The following RGS6 variants were observed in gnomAD, a reference collection of about 807,000 sequenced individuals.
The protein encoded by RGS6 is regulator of G protein signaling 6.
Under a neutral mutation model 78.5 loss-of-function variants are expected in RGS6, and 30 were observed. The ratio of observed to expected loss-of-function variants is 0.38; its 90% CI spans 0.29 to 0.52. RGS6 has a LOEUF of 0.52. Among genes scored for constraint, RGS6 ranks in the 20% least tolerant of loss-of-function variants. The pLI is 0.85. For missense variants in RGS6, 495 were observed against 609.7 expected (o/e 0.81, Z 1.98); for synonymous variants, 206 against 206.0 (o/e 1.00, Z 0.00).
chr14:72,125,222 A>G (rs1350724992), intron 2 of RGS6, among the ~76,000 whole-genome samples: 1 of 152,032 alleles, frequency 6.6e-6, no homozygotes, highest in Non-Finnish European at 1.5e-5. Flanking sequence ...ATCCTAGGAG[A>G]TTTTACCACC....
At chr14:71,966,685 A>G (rs927855107) in intron 2 of RGS6, among the ~76,000 whole-genome samples, 1 of 152,252 alleles carries the variant, frequency 6.6e-6, no homozygotes, top group African/African-American at 2.4e-5. Context: ...AGATCACTTT[A>G]GATAAATCGA....
chr14:71,904,098 G>A, the RGS6 span, among the ~76,000 whole-genome samples: 1 of 152,168 alleles, frequency 6.6e-6, no homozygotes, highest in African/African-American at 2.4e-5. Flanking sequence ...AAGAATAATT[G>A]TCAGCCATCG....
At chr14:71,918,579 A>T in the RGS6 span, among the ~76,000 whole-genome samples, 3 of 152,204 alleles carry the variant, frequency 2.0e-5, no homozygotes, top group Admixed American at 6.5e-5. Flanking sequence ...GCAAACAGAG[A>T]TGTAGTTTAC....
chr14:71,911,305 T>C, the RGS6 span, among the ~76,000 whole-genome samples: 1 of 152,170 alleles, frequency 6.6e-6, no homozygotes, highest in African/African-American at 2.4e-5. Context: ...CCATCACACT[T>C]CTTTATTTTT....
intron 15 of RGS6, among the ~76,000 whole-genome samples, chr14:72,521,378 T>G (rs922832496): frequency 6.6e-6 from 1 of 152,228 alleles, no homozygotes; most frequent in African/African-American, 2.4e-5. Flanking sequence ...AGTCAACCAG[T>G]CCTCTCTTCT....
chr14:71,904,895 T>TG, the RGS6 span, among the ~76,000 whole-genome samples: 1 of 152,086 alleles, frequency 6.6e-6, no homozygotes, highest in African/African-American at 2.4e-5. Context: ...GACTCCATTA[T>TG]CTTTTTTTTT....
intron 2 of RGS6, among the ~76,000 whole-genome samples, chr14:72,097,875 A>G (rs2095441787): frequency 6.6e-6 from 1 of 152,140 alleles, no homozygotes; most frequent in African/African-American, 2.4e-5. Flanking sequence ...TCTTAGCCTG[A>G]TATCATCAGC....
chr14:72,278,043 G>A (rs1026449852), intron 2 of RGS6, among the ~76,000 whole-genome samples: 14 of 152,184 alleles, frequency 9.2e-5, no homozygotes, highest in Admixed American at 3.3e-4. Context: ...AAAGGACAGT[G>A]GACAGTGTCC....
At chr14:72,346,510 A>T (rs2078086868) in intron 2 of RGS6, among the ~76,000 whole-genome samples, 1 of 152,208 alleles carries the variant, frequency 6.6e-6, no homozygotes, top group African/African-American at 2.4e-5. Flanking sequence ...CTCTTAGTGC[A>T]GAGACATGTT....
intron 3 of RGS6, among the ~76,000 whole-genome samples, chr14:72,431,829 G>A (rs539654588): frequency 2.5e-4 from 38 of 152,200 alleles, no homozygotes; most frequent in African/African-American, 8.4e-4. Flanking sequence ...AGCTTGGACC[G>A]CCTTTTCTCC....
intron 2 of RGS6, among the ~76,000 whole-genome samples, chr14:72,019,679 C>T (rs766830649): frequency 6.6e-6 from 1 of 152,126 alleles, no homozygotes; most frequent in Non-Finnish European, 1.5e-5. Flanking sequence ...TATATTCTCT[C>T]TAGATTTATT....
At chr14:72,589,007 G>T in the RGS6 span, among the ~76,000 whole-genome samples, 2 of 152,198 alleles carry the variant, frequency 1.3e-5, no homozygotes, top group Non-Finnish European at 2.9e-5. Context: ...GAGTTGGGAA[G>T]CTTGCCTCAG....
chr14:71,933,999 C>T (rs1012096955), intron 1 of RGS6, among the ~76,000 whole-genome samples: 3 of 152,202 alleles, frequency 2.0e-5, no homozygotes, highest in Non-Finnish European at 2.9e-5. Context: ...CAACACGGCT[C>T]TTACATATCA....
intron 2 of RGS6, among the ~76,000 whole-genome samples, chr14:72,315,648 G>C (rs1301961526): frequency 3.3e-5 from 5 of 152,176 alleles, no homozygotes; most frequent in African/African-American, 1.2e-4. Context: ...TTGTTTAAGA[G>C]CTAATGTTTA....
chr14:72,192,516 C>G (rs2097339516), intron 2 of RGS6, among the ~76,000 whole-genome samples: 1 of 152,158 alleles, frequency 6.6e-6, no homozygotes, highest in Non-Finnish European at 1.5e-5. Context: ...GGAGAAGGTC[C>G]TGGAGGAGAT....
intron 2 of RGS6, among the ~76,000 whole-genome samples, chr14:72,002,779 C>A (rs1024516275): frequency 6.6e-6 from 1 of 152,150 alleles, no homozygotes; most frequent in African/African-American, 2.4e-5. Context: ...GCCTTTGGTG[C>A]ATGCTTGTTT....
At chr14:72,420,746 C>T (rs1041480436) in intron 3 of RGS6, among the ~76,000 whole-genome samples, 2 of 152,164 alleles carry the variant, frequency 1.3e-5, no homozygotes, top group African/African-American at 4.8e-5. Flanking sequence ...CTGGAAAATG[C>T]CGTAAACGAC....
Position 72,116,963 on chromosome 14 carries a change from CAAAAAAAAA to C in RGS6, c.84+152104_84+152112del, listed in dbSNP as rs56397216. The stretch of plus-strand genomic sequence containing the variant: ...TGGGTGATAAAGCGAGACTCCATCT[CAAAAAAAAA>C]AAAAAAAAAAAAAAAGAGAGTTTAA... On this transcript the variant is annotated intron_variant, in intron 2 of 17. Transcript: ENST00000553525. 2.4e-3 allele frequency among the ~76,000 whole-genome samples: 187 copies of C among 78,338 alleles called. 1 individual carries two copies. The highest frequency in any genetic ancestry group is 9.9e-3 in the African/African-American group (185 of 18,688). The allele number at this position is 78,338 out of a possible 152,430, so 51.4% of individuals were successfully genotyped here. A position where few individuals can be genotyped will look rare whatever the true frequency, so the allele number is the denominator to read the frequency against.
At chr14:72,454,391 C>CA (rs987300150) in intron 3 of RGS6, 137 bp from the exon 4 acceptor site, 92 of 826,208 alleles carry the variant, frequency 1.1e-4, no homozygotes, top group Non-Finnish European at 1.5e-4. Context: ...TTGGTTAGGA[C>CA]AAAAAAAAGT....
Sources: gnomAD v4.1 joint callset for allele counts (sites outside exome capture counted in the v4.1 genomes callset) on GRCh38, gnomAD v4.1.1 for gene constraint, MANE v1.5 for transcripts, NCBI Gene and HGNC (gene_info 2026-07-23, HGNC 2026-07-21) for gene names.